GTF2A1: variants seen among roughly 807,000 people sequenced by gnomAD.
GTF2A1 encodes the protein general transcription factor IIA subunit 1.
GTF2A1 carries 12 observed loss-of-function variants against 54.1 expected under a neutral mutation model. The ratio of observed to expected loss-of-function variants is 0.22; its 90% confidence interval spans 0.14 to 0.36. The LOEUF (loss-of-function observed/expected upper bound fraction) is 0.36. GTF2A1 is among the 10% of genes least tolerant of loss of function. The pLI is 1.00. For missense variants in GTF2A1, 335 were observed against 442.2 expected (o/e 0.76, Z 2.17); for synonymous variants, 145 against 152.0 (o/e 0.95, Z 0.34).
At chr14:81,219,279 G>A (rs1595235059) in intron 1 of GTF2A1, among the ~76,000 whole-genome samples, 1 of 152,184 alleles carries the variant, frequency 6.6e-6, no homozygotes, top group South Asian at 2.1e-4. Flanking sequence ...GGTGAAAAAA[G>A]GACCTAGAAA....
chr14:81,191,378 A>G (rs1353273758), intron 7 of GTF2A1, among the ~76,000 whole-genome samples: 1 of 152,210 alleles, frequency 6.6e-6, no homozygotes, highest in East Asian at 1.9e-4. Flanking sequence ...ACAATATTTT[A>G]TAACTGTTTG....
chr14:81,196,723 T>C (rs1447426650), intron 5 of GTF2A1, among the ~76,000 whole-genome samples: 3 of 152,198 alleles, frequency 2.0e-5, no homozygotes, highest in East Asian at 1.9e-4. Flanking sequence ...GTTATCATCA[T>C]TGTCATACAA....
intron 2 of GTF2A1, among the ~76,000 whole-genome samples, chr14:81,215,853 T>C (rs1034417688): frequency 3.3e-5 from 5 of 152,138 alleles, no homozygotes; most frequent in African/African-American, 7.2e-5. Flanking sequence ...CTTGACAACA[T>C]GGTGAAAACC....
intron 1 of GTF2A1, among the ~76,000 whole-genome samples, chr14:81,218,922 T>C (rs899646705): frequency 1.3e-5 from 2 of 151,648 alleles, no homozygotes; most frequent in African/African-American, 4.9e-5. Context: ...GTCTTTTATA[T>C]TTACTATAGG....
rs1892526379 is a variant in GTF2A1, at chr14:81,176,294, G to T, written c.*3929C>A. 2.0e-5 allele frequency: 3 copies of T among 151,892 alleles called. No homozygotes were observed. Among genetic ancestry groups the T allele is most frequent in the Admixed American group, 2.0e-4 (3 of 15,268 alleles). The allele number at this position is 151,892 out of a possible 1,614,324, so 9.4% of individuals were successfully genotyped here. A position where few individuals can be genotyped will look rare whatever the true frequency, so the allele number is the denominator to read the frequency against. On this transcript the variant is annotated 3_prime_UTR_variant, in exon 9 of 9. Transcript: ENST00000553612. ...CCATATATCACAGAAGAGCAACCTTGATCTGCAATGAATTTTACAAACATA... is the reference window on the plus strand; with the variant it reads ...CCATATATCACAGAAGAGCAACCTTTATCTGCAATGAATTTTACAAACATA...
chr14:81,218,065 C>T (rs1038615345), intron 1 of GTF2A1, among the ~76,000 whole-genome samples: 1 of 149,520 alleles, frequency 6.7e-6, no homozygotes, highest in African/African-American at 2.5e-5. Context: ...AGTGACTTAA[C>T]TGAATTACAA....
chr14:81,182,624 C>T (rs1286646396), intron 8 of GTF2A1, among the ~76,000 whole-genome samples: 1 of 152,202 alleles, frequency 6.6e-6, no homozygotes, highest in Non-Finnish European at 1.5e-5. Context: ...TAAATAGTCT[C>T]GTTTCAGCAA....
At chr14:81,188,194 G>A (rs1437046801) in intron 7 of GTF2A1, among the ~76,000 whole-genome samples, 1 of 152,166 alleles carries the variant, frequency 6.6e-6, no homozygotes, top group African/African-American at 2.4e-5. Context: ...TTGTTACGCT[G>A]TTTAAGAGTT....
chr14:81,187,993 CTCTT>C (rs1391913944), intron 7 of GTF2A1, among the ~76,000 whole-genome samples: 2 of 152,144 alleles, frequency 1.3e-5, no homozygotes, highest in African/African-American at 2.4e-5. Context: ...CATTTATTTT[CTCTT>C]TCTTTTTTGA....
At chr14:81,209,456 T>C (rs1406673341) in intron 2 of GTF2A1, among the ~76,000 whole-genome samples, 1 of 152,184 alleles carries the variant, frequency 6.6e-6, no homozygotes, top group Non-Finnish European at 1.5e-5. Context: ...TATACGTCTT[T>C]ATTAGCAGTG....
At chr14:81,200,819 TA>T (rs920806558) in intron 4 of GTF2A1, among the ~76,000 whole-genome samples, 3 of 127,764 alleles carry the variant, frequency 2.3e-5, no homozygotes, top group Non-Finnish European at 5.0e-5. Context: ...TTAAACAGAA[TA>T]AAGAAAAACC....
At chr14:81,202,786 C>T (rs746445348) in intron 3 of GTF2A1, 6 of 517,402 alleles carry the variant, frequency 1.2e-5, no homozygotes, top group Admixed American at 7.8e-5. Flanking sequence ...TTTATGATGA[C>T]CTAAAATCCT....
chr14:81,203,971 T>A lies in GTF2A1; in HGVS notation c.266A>T (p.Gln89Leu). The A allele has an allele frequency of 6.2e-7, 1 of 1,614,070 alleles. No individual in the cohort carries two copies. Among genetic ancestry groups the A allele is most frequent in the Non-Finnish European group, 8.5e-7 (1 of 1,179,988 alleles). ...AGGTACTGTCTGCTGAGGCTGAGCT[T>A]GCTGATGATGGTGATGGTGGTGATG... ...QQHHHHHHHQQAQPQQTVPQQ... is the reference protein window; with the variant it reads ...QQHHHHHHHQLAQPQQTVPQQ... The change falls in exon 3 of 9, where the codon CAA (glutamine) becomes CTA (leucine). Residue 89 changes from glutamine to leucine, a missense_variant. By Grantham distance (113) the Gln-to-Leu change is moderately radical. Coordinates refer to ENST00000553612, the MANE Select transcript of GTF2A1 (RefSeq NM_015859.4).
chr14:81,209,084 G>C (rs1340397152), intron 2 of GTF2A1, among the ~76,000 whole-genome samples: 1 of 152,150 alleles, frequency 6.6e-6, no homozygotes, highest in Non-Finnish European at 1.5e-5. Context: ...GACGACATGA[G>C]ATTTGGAGGG....
At chr14:81,186,270 T>C (rs1045385882) in intron 7 of GTF2A1, among the ~76,000 whole-genome samples, 1 of 152,208 alleles carries the variant, frequency 6.6e-6, no homozygotes, top group Non-Finnish European at 1.5e-5. Flanking sequence ...TGGCACTATG[T>C]ACTACAAATC....
intron 3 of GTF2A1, among the ~76,000 whole-genome samples, 156 bp downstream of exon 3, chr14:81,203,743 GA>G (rs1164779705): frequency 2.6e-5 from 4 of 152,130 alleles, no homozygotes; most frequent in African/African-American, 9.7e-5. Flanking sequence ...AGAAAGGGGG[GA>G]AAAAGCCCGA....
At chr14:81,183,452 A>G (rs1892679352) in intron 8 of GTF2A1, among the ~76,000 whole-genome samples, 1 of 152,234 alleles carries the variant, frequency 6.6e-6, no homozygotes, top group Non-Finnish European at 1.5e-5. Flanking sequence ...ATTTGCAAAA[A>G]ATAAATGTAC....
rs752415514 is a variant in GTF2A1, at chr14:81,216,544, A to G, written c.31-30T>C. The G allele has an allele frequency of 4.9e-5, 51 of 1,032,262 alleles. No homozygotes were observed. The African/African-American group carries it at 7.8e-4, about 16-fold the overall frequency. 63.9% of individuals were successfully genotyped at this position (1,032,262 alleles called of 1,614,324 possible). On this transcript the variant is annotated intron_variant, in intron 1 of 8. Transcript: ENST00000553612. ...AAAGGAAAAATAAAAGACTTGAAAA[A>G]GACAGTTTTTCACAGCTTATAATGT... is the stretch of plus-strand genomic sequence containing the variant.
chr14:81,180,617 T>A (rs1378606999), intron 8 of GTF2A1, among the ~76,000 whole-genome samples: 1 of 152,056 alleles, frequency 6.6e-6, no homozygotes, highest in African/African-American at 2.4e-5. Context: ...GGTTTCTTAA[T>A]AAAGTTTAAT....
Sources: gnomAD v4.1 joint callset for allele counts (sites outside exome capture counted in the v4.1 genomes callset) on GRCh38, gnomAD v4.1.1 for gene constraint, MANE v1.5 for transcripts, NCBI Gene and HGNC (gene_info 2026-07-23, HGNC 2026-07-21) for gene names.